The following KBTBD3 variants were observed in gnomAD, a reference collection of about 807,000 sequenced individuals.
KBTBD3 encodes kelch repeat and BTB domain-containing protein 3.
In KBTBD3, 38 loss-of-function variants were observed where a neutral mutation model predicts 49.6. The observed-to-expected ratio is 0.77, with a 90% CI of 0.59 to 1.00. The LOEUF is 1.00. Ranked by LOEUF, KBTBD3 falls within the 50% of genes least tolerant of loss-of-function variation. KBTBD3 has a pLI of 0.00. For missense variants in KBTBD3, 661 were observed against 712.0 expected (o/e 0.93, Z 0.81); for synonymous variants, 214 against 250.4 (o/e 0.85, Z 1.37).
At chr11:106,057,946 G>C (rs1860587816) in intron 3 of KBTBD3, 1 of 397,528 alleles carries the variant, frequency 2.5e-6, no homozygotes, top group Admixed American at 4.4e-5. Context: ...TACAACACAG[G>C]GATCCCCCAA....
intron 3 of KBTBD3, among the ~76,000 whole-genome samples, chr11:106,056,054 A>G (rs1220225075): frequency 6.6e-6 from 1 of 152,120 alleles, no homozygotes; most frequent in Non-Finnish European, 1.5e-5. Flanking sequence ...CTCAGTAATA[A>G]TTTTTGTTTT....
chr11:106,067,208 C>A (rs1240960848), intron 2 of KBTBD3, among the ~76,000 whole-genome samples: 1 of 152,206 alleles, frequency 6.6e-6, no homozygotes, highest in Non-Finnish European at 1.5e-5. Context: ...TGCAAAGGTA[C>A]AACGGAGAGC....
rs904779551 is a variant in KBTBD3, at chr11:106,052,179, G to A, written c.*671C>T. On this transcript the variant is annotated 3_prime_UTR_variant, in exon 4 of 4. Coordinates refer to ENST00000531837, the MANE Select transcript of KBTBD3 (RefSeq NM_198439.3). ...GAACCAGAAAATGAGAGGGGGGGAGGAGAGAGAGAGAGAGAGCTAGAAATT... is the reference window on the plus strand; with the variant it reads ...GAACCAGAAAATGAGAGGGGGGGAGAAGAGAGAGAGAGAGAGCTAGAAATT... The A allele has an allele frequency of 3.4e-5, 5 of 149,090 alleles. No homozygotes were observed. Among genetic ancestry groups the A allele is most frequent in the Non-Finnish European group, 7.5e-5 (5 of 66,914 alleles). The allele number at this position is 149,090 out of a possible 1,614,324, so 9.2% of individuals were successfully genotyped here.
At position 106,058,417 on chromosome 11, in the gene KBTBD3, A is replaced by T. The variant is rs184830591; in HGVS notation, c.233+448T>A. On this transcript the variant is annotated intron_variant, in intron 3 of 3. Coordinates refer to ENST00000531837, the MANE Select transcript of KBTBD3 (RefSeq NM_198439.3). ...AAATCATTAGTTAATCTTGGTTCTA[A>T]TTAGGTTTTTTGTTTTTGTTTTTTT... Among the ~76,000 whole-genome samples, 134 of 150,930 alleles carry T rather than the reference A, an allele frequency of 8.9e-4. 3 individuals carry two copies. The East Asian group carries it at 0.023, about 26-fold the overall frequency.
chr11:106,063,476 A>G (rs903930339), intron 2 of KBTBD3, among the ~76,000 whole-genome samples: 1 of 152,246 alleles, frequency 6.6e-6, no homozygotes, highest in African/African-American at 2.4e-5. Context: ...GCGAAATGAA[A>G]GAAAAAGTAG....
intron 2 of KBTBD3, among the ~76,000 whole-genome samples, chr11:106,066,780 G>T: frequency 6.7e-6 from 1 of 148,864 alleles, no homozygotes; most frequent in African/African-American, 2.5e-5. Flanking sequence ...AGGTTTAGAT[G>T]TATCTTTCCC....
chr11:106,061,010 T>A (rs1354259797), intron 2 of KBTBD3, among the ~76,000 whole-genome samples: 1 of 152,212 alleles, frequency 6.6e-6, no homozygotes, highest in East Asian at 1.9e-4. Flanking sequence ...AAGAAGGATA[T>A]GACACTTCTC....
chr11:106,060,640 C>T (rs776647272), intron 2 of KBTBD3, among the ~76,000 whole-genome samples: 13 of 152,136 alleles, frequency 8.5e-5, no homozygotes, highest in Admixed American at 5.2e-4. Context: ...CAAAAATTAA[C>T]TCAAGATGGA....
Position 106,053,945 on chromosome 11 carries a change from C to T in KBTBD3, c.744G>A (p.Glu248=). The part of the protein sequence containing the change: ...IEKVRLHQLS[E]ETLQDCLFNE... ...TGAACAGACAGTCCTGAAGTGTCTCCTCAGATAACTGATGTAATCTCACTT... is the reference window on the plus strand; with the variant it reads ...TGAACAGACAGTCCTGAAGTGTCTCTTCAGATAACTGATGTAATCTCACTT... Residue 248 remains glutamate, a synonymous_variant, in exon 4 of 4, where the codon GAG becomes GAA. Transcript: ENST00000531837. 2 of 1,613,880 alleles carry T rather than the reference C, an allele frequency of 1.2e-6. No homozygotes were observed. The highest frequency in any genetic ancestry group is 2.2e-5 in the East Asian group (1 of 44,862).
chr11:106,062,301 C>CAG (rs982825229), intron 2 of KBTBD3, among the ~76,000 whole-genome samples: 4 of 151,434 alleles, frequency 2.6e-5, no homozygotes, highest in African/African-American at 9.7e-5. Context: ...AAGATGAGGG[C>CAG]AGAGAGAGAG....
At chr11:106,065,689 G>C (rs1034801192) in intron 2 of KBTBD3, among the ~76,000 whole-genome samples, 1 of 152,050 alleles carries the variant, frequency 6.6e-6, no homozygotes, top group African/African-American at 2.4e-5. Flanking sequence ...GGCTGGGCGC[G>C]GTGGCTCATG....
intron 2 of KBTBD3, among the ~76,000 whole-genome samples, chr11:106,063,456 T>C (rs974417770): frequency 6.6e-6 from 1 of 152,248 alleles, no homozygotes; most frequent in Non-Finnish European, 1.5e-5. Flanking sequence ...AAAGCTTTTA[T>C]TTTAACAATG....
chr11:106,055,852 A>T (rs1478012104), intron 3 of KBTBD3, among the ~76,000 whole-genome samples: 2 of 152,174 alleles, frequency 1.3e-5, no homozygotes, highest in Non-Finnish European at 2.9e-5. Flanking sequence ...ATCAGATTTG[A>T]TGTATTTATA....
intron 3 of KBTBD3, among the ~76,000 whole-genome samples, chr11:106,056,473 A>G (rs1267757619): frequency 1.3e-5 from 2 of 152,232 alleles, no homozygotes; most frequent in Non-Finnish European, 2.9e-5. Flanking sequence ...TGCCTACATA[A>G]GAGTATTTTA....
chr11:106,058,092 T>TA lies in KBTBD3; in HGVS notation c.233+772dup. 1.0e-5 allele frequency: 4 copies of TA among 397,304 alleles called. No homozygotes were observed. The East Asian group carries it at 1.4e-4, about 14-fold the overall frequency. 24.6% of individuals were successfully genotyped at this position (397,304 alleles called of 1,614,324 possible). The stretch of plus-strand genomic sequence containing the variant: ...AAGGTAGTCTTAAATTCTCTCCTAC[T>TA]AAAAAATCACGGCCCAGCGCAGTGG... On this transcript the variant is annotated intron_variant, in intron 3 of 3. Transcript: ENST00000531837.
Position 106,053,114 on chromosome 11 carries a change from A to G in KBTBD3, c.1575T>C (p.Cys525=). 6.2e-7 allele frequency: 1 copy of G among 1,613,752 alleles called. No homozygotes were observed. The highest frequency in any genetic ancestry group is 8.5e-7 in the Non-Finnish European group (1 of 1,179,810). The part of the protein sequence containing the change: ...DLSTYKVYSF[C]PDTCVWKGEG... ...CGCCTTTCCAAACACAAGTGTCTGG[A>G]CAAAAACTATAAACCTTATAGGTGG... The change falls in exon 4 of 4, where the codon TGT becomes TGC. Residue 525 remains cysteine, a synonymous_variant. Coordinates refer to ENST00000531837, the MANE Select transcript of KBTBD3 (RefSeq NM_198439.3).
At chr11:106,062,865 TA>T (rs1320851117) in intron 2 of KBTBD3, among the ~76,000 whole-genome samples, 1 of 152,236 alleles carries the variant, frequency 6.6e-6, no homozygotes, top group East Asian at 1.9e-4. Context: ...TATTTCAAAT[TA>T]CAGTGAGGCA....
rs2134991600 is a variant in KBTBD3 at position 106,053,242 on chromosome 11, T to C, written c.1447A>G (p.Thr483Ala). The change falls in exon 4 of 4, where the codon ACT (threonine) becomes GCT (alanine). Residue 483 changes from threonine (T) to alanine (A), a missense_variant. Thr to Ala is a moderately conservative substitution (Grantham distance 58). Coordinates refer to ENST00000531837, the MANE Select transcript of KBTBD3 (RefSeq NM_198439.3). ...GCTACTAGTTCAGACCACTGATCAG[T>C]TGTAGCATTGTATTTAAAAAAGCAA... ...LDCFFKYNATTDQWSELVAEF... is the reference protein window; with the variant it reads ...LDCFFKYNATADQWSELVAEF... 2 of 1,613,652 alleles carry C rather than the reference T, an allele frequency of 1.2e-6. No individual in the cohort carries two copies. Among genetic ancestry groups the C allele is most frequent in the Non-Finnish European group, 1.7e-6 (2 of 1,179,844 alleles).
chr11:106,058,124 C>T (rs1860592822), intron 3 of KBTBD3: 6 of 389,114 alleles, frequency 1.5e-5, no homozygotes, highest in Non-Finnish European at 2.3e-5. Flanking sequence ...GTGGCTCACA[C>T]CTGTAATCCC....
Sources: gnomAD v4.1 joint callset for allele counts (sites outside exome capture counted in the v4.1 genomes callset) on GRCh38, gnomAD v4.1.1 for gene constraint, MANE v1.5 for transcripts, NCBI Gene and HGNC (gene_info 2026-07-23, HGNC 2026-07-21) for gene names.